The following PDS5B variants were observed in gnomAD, a reference collection of about 807,000 sequenced individuals.
The protein encoded by PDS5B is sister chromatid cohesion protein PDS5 homolog B.
A neutral mutation model predicts 184.1 loss-of-function variants in PDS5B; 51 were observed. That is an observed-to-expected ratio of 0.28 (90% CI 0.22 to 0.35). PDS5B has a LOEUF of 0.35. Among genes scored for constraint, PDS5B ranks in the 10% least tolerant of loss-of-function variants. The pLI, the probability that PDS5B is intolerant of heterozygous loss-of-function variation, is 1.00. For missense variants in PDS5B, 1,180 were observed against 1,723.3 expected, an observed-to-expected ratio of 0.68 and a Z score of 5.58; for synonymous variants, 566 against 569.2, an observed-to-expected ratio of 0.99 and a Z score of 0.08.
Position 32,734,093 on chromosome 13 carries a change from T to C in PDS5B, c.2248-1079T>C, listed in dbSNP as rs187971291. Among the ~76,000 whole-genome samples the C allele has an allele frequency of 2.9e-3, 442 of 152,048 alleles. 2 individuals are homozygous for C. The highest frequency in any genetic ancestry group is 0.017 in the Middle Eastern group (5 of 294). ...TCCAGGCTGGAGTGTAGTGGCGTGA[T>C]CTCTGCTCACTGCAACCTCCACCTT... is the stretch of plus-strand genomic sequence containing the variant. On this transcript the variant is annotated intron_variant, in intron 20 of 34. Coordinates refer to ENST00000315596, the MANE Select transcript of PDS5B (RefSeq NM_015032.4).
intron 8 of PDS5B, among the ~76,000 whole-genome samples, chr13:32,675,630 A>G (rs1337745786): frequency 6.6e-6 from 1 of 152,214 alleles, no homozygotes; most frequent in Non-Finnish European, 1.5e-5. Flanking sequence ...CATGAAAGGT[A>G]CTTCTTTAAT....
chr13:32,627,067 C>A (rs2140557594), intron 1 of PDS5B, among the ~76,000 whole-genome samples: 1 of 152,180 alleles, frequency 6.6e-6, no homozygotes, highest in Middle Eastern at 3.4e-3. Context: ...GATAATATTA[C>A]CTTCAAAAAG....
At chr13:32,629,093 T>C (rs970950927) in intron 1 of PDS5B, among the ~76,000 whole-genome samples, 10 of 152,168 alleles carry the variant, frequency 6.6e-5, no homozygotes, top group African/African-American at 2.4e-4. Flanking sequence ...CTGTGAACTT[T>C]CTTGACAAGA....
intron 16 of PDS5B, 54 bp from the exon 17 acceptor site, chr13:32,701,269 C>T: frequency 1.1e-6 from 1 of 904,136 alleles, no homozygotes; most frequent in South Asian, 1.5e-5. Flanking sequence ...AATATTTTAA[C>T]ATAATGATTT....
chr13:32,642,654 T>A (rs951071671), intron 1 of PDS5B, among the ~76,000 whole-genome samples: 2 of 152,132 alleles, frequency 1.3e-5, no homozygotes, highest in Non-Finnish European at 2.9e-5. Flanking sequence ...TCCCTCTTTG[T>A]TGTCTCTTTA....
chr13:32,592,215 G>T (rs1442734827), intron 1 of PDS5B, among the ~76,000 whole-genome samples: 2 of 152,068 alleles, frequency 1.3e-5, no homozygotes, highest in Non-Finnish European at 2.9e-5. Flanking sequence ...CCTGGACCTG[G>T]GTATTTCAAA....
At chr13:32,716,424 GCAA>G in intron 19 of PDS5B, among the ~76,000 whole-genome samples, 1 of 149,826 alleles carries the variant, frequency 6.7e-6, no homozygotes, top group Non-Finnish European at 1.5e-5. Context: ...CCTCTGCCTG[GCAA>G]CCGCCCCATC....
At position 32,775,844 on chromosome 13, in the gene PDS5B, A is replaced by G. The variant is rs1187132043; in HGVS notation, c.*792A>G. The G allele has an allele frequency of 3.4e-6, 1 of 291,280 alleles. No individual in the cohort carries two copies. The highest frequency in any genetic ancestry group is 2.3e-5 in the African/African-American group (1 of 44,320). The allele number at this position is 291,280 out of a possible 1,614,324, so 18.0% of individuals were successfully genotyped here. A position where few individuals can be genotyped will look rare whatever the true frequency, so the allele number is the denominator to read the frequency against. On this transcript the variant is annotated 3_prime_UTR_variant, in exon 35 of 35. Coordinates refer to ENST00000315596, the MANE Select transcript of PDS5B (RefSeq NM_015032.4). ...AATAATGTACTGAATTCTTTATCCC[A>G]TTTTATCATCCTTTCAGTTTTTATT...
chr13:32,597,813 C>A (rs569148206), intron 1 of PDS5B, among the ~76,000 whole-genome samples: 5 of 150,268 alleles, frequency 3.3e-5, no homozygotes, highest in Non-Finnish European at 7.4e-5. Flanking sequence ...TGCCACTGCA[C>A]TCCAGCCTGG....
At chr13:32,606,471 C>T (rs999079331) in intron 1 of PDS5B, among the ~76,000 whole-genome samples, 1 of 152,178 alleles carries the variant, frequency 6.6e-6, no homozygotes, top group Non-Finnish European at 1.5e-5. Context: ...TGTGGGTAAC[C>T]AGACCTTTCT....
chr13:32,630,925 C>T (rs898568841), intron 1 of PDS5B, among the ~76,000 whole-genome samples: 1 of 151,772 alleles, frequency 6.6e-6, no homozygotes, highest in Non-Finnish European at 1.5e-5. Context: ...GCTGAGATTA[C>T]AGGCATGCAC....
At chr13:32,678,266 T>A (rs1036621378) in intron 9 of PDS5B, among the ~76,000 whole-genome samples, 6 of 152,212 alleles carry the variant, frequency 3.9e-5, no homozygotes, top group Non-Finnish European at 7.4e-5. Flanking sequence ...TAGGGATACA[T>A]ACATATTTAC....
At chr13:32,740,722 T>C (rs142513695) in intron 21 of PDS5B, among the ~76,000 whole-genome samples, 60 of 152,194 alleles carry the variant, frequency 3.9e-4, no homozygotes, top group African/African-American at 1.3e-3. Context: ...GTTTAAGAGC[T>C]ACACCTTTTG....
chr13:32,608,502 C>G (rs75813231), intron 1 of PDS5B, among the ~76,000 whole-genome samples: 2 of 152,064 alleles, frequency 1.3e-5, no homozygotes, highest in African/African-American at 2.4e-5. Context: ...TTGTAGGAAG[C>G]GTTTGTATGC....
intron 1 of PDS5B, among the ~76,000 whole-genome samples, chr13:32,628,649 GTATGT>G (rs1256287531): frequency 6.6e-6 from 1 of 150,718 alleles, no homozygotes; most frequent in Non-Finnish European, 1.5e-5. Context: ...CTTTTTTGGT[GTATGT>G]TATATTTGGT....
intron 1 of PDS5B, among the ~76,000 whole-genome samples, chr13:32,607,032 C>T (rs577795254): frequency 1.2e-4 from 18 of 152,200 alleles, no homozygotes; most frequent in Admixed American, 2.0e-4. Flanking sequence ...TTGTTATTAC[C>T]GATCATCTAA....
At chr13:32,636,145 G>C (rs2058553392) in intron 1 of PDS5B, among the ~76,000 whole-genome samples, 1 of 152,188 alleles carries the variant, frequency 6.6e-6, no homozygotes, top group Non-Finnish European at 1.5e-5. Flanking sequence ...TTGACCTCTT[G>C]TCATTGCTCT....
intron 10 of PDS5B, among the ~76,000 whole-genome samples, chr13:32,680,764 G>A (rs774515946): frequency 7.9e-5 from 12 of 152,160 alleles, no homozygotes; most frequent in Non-Finnish European, 1.6e-4. Context: ...AGAGTGTAGT[G>A]TATATTGAGT....
At chr13:32,621,005 G>C (rs565087567) in intron 1 of PDS5B, among the ~76,000 whole-genome samples, 161 of 152,324 alleles carry the variant, frequency 1.1e-3, no homozygotes, top group Non-Finnish European at 2.0e-3. Flanking sequence ...TTGTGGTTAT[G>C]GCTATAATGG....
Sources: gnomAD v4.1 joint callset for allele counts (sites outside exome capture counted in the v4.1 genomes callset) on GRCh38, gnomAD v4.1.1 for gene constraint, MANE v1.5 for transcripts, NCBI Gene and HGNC (gene_info 2026-07-23, HGNC 2026-07-21) for gene names.